Variants in WDR47 observed in about 807,000 individuals in gnomAD.
The protein encoded by WDR47 is WD repeat domain 47.
A neutral mutation model predicts 97.2 loss-of-function variants in WDR47; 32 were observed. The ratio of observed to expected loss-of-function variants is 0.33; its 90% CI spans 0.25 to 0.44. WDR47 has a LOEUF of 0.44. Among genes scored for constraint, WDR47 ranks in the 20% least tolerant of loss-of-function variants. The probability of loss-of-function intolerance (pLI) is 1.00; values close to 1 mark genes in which losing one functional copy is unlikely to be tolerated. For missense variants in WDR47, 782 were observed against 1,102.3 expected, an observed-to-expected ratio of 0.71 and a Z score of 4.11; for synonymous variants, 375 against 373.5, an observed-to-expected ratio of 1.00 and a Z score of -0.05.
intron 3 of WDR47, among the ~76,000 whole-genome samples, chr1:109,016,047 T>C (rs1661393036): frequency 6.6e-6 from 1 of 150,526 alleles, no homozygotes; most frequent in Admixed American, 6.6e-5. Flanking sequence ...GCTTTCCAGC[T>C]GAGGGCACTC....
intron 5 of WDR47, among the ~76,000 whole-genome samples, chr1:109,009,419 A>G (rs1660869954): frequency 6.6e-6 from 1 of 152,222 alleles, no homozygotes. Flanking sequence ...TATTTCCTTC[A>G]TATGTATAAG....
At chr1:109,001,133 T>C (rs1020640819) in intron 7 of WDR47, among the ~76,000 whole-genome samples, 5 of 151,452 alleles carry the variant, frequency 3.3e-5, no homozygotes, top group Non-Finnish European at 7.4e-5. Flanking sequence ...ACTAAAAAAA[T>C]ACAAAATCAG....
intron 13 of WDR47, 63 bp downstream of exon 13, chr1:108,981,670 G>T: frequency 6.7e-7 from 1 of 1,485,966 alleles, no homozygotes; most frequent in Non-Finnish European, 9.1e-7. Flanking sequence ...CAGGGGAGAA[G>T]AAGTAGACTA....
intron 2 of WDR47, 137 bp downstream of exon 2, chr1:109,023,218 A>T (rs1661975895): frequency 1.2e-6 from 1 of 849,486 alleles, no homozygotes; most frequent in Admixed American, 4.1e-5. Context: ...ATAAAATAAA[A>T]TAAAATATTT....
At chr1:109,015,480 C>T (rs1661348643) in intron 3 of WDR47, among the ~76,000 whole-genome samples, 1 of 149,780 alleles carries the variant, frequency 6.7e-6, no homozygotes, top group Admixed American at 6.6e-5. Context: ...TGTGCCACCA[C>T]ATCCAGCCAA....
chr1:108,995,978 CCAT>C, intron 7 of WDR47, 141 bp from the exon 8 acceptor site: 1 of 843,746 alleles, frequency 1.2e-6, no homozygotes. Flanking sequence ...AAAATTACCA[CCAT>C]CAACTTAAGA....
At chr1:109,005,220 G>C (rs952989709) in intron 5 of WDR47, among the ~76,000 whole-genome samples, 1 of 152,032 alleles carries the variant, frequency 6.6e-6, no homozygotes, top group African/African-American at 2.4e-5. Context: ...TGGGTAACAT[G>C]GTGAAGCCTA....
intron 1 of WDR47, among the ~76,000 whole-genome samples, chr1:109,033,159 T>C (rs1454258176): frequency 1.3e-5 from 2 of 151,822 alleles, no homozygotes; most frequent in East Asian, 1.9e-4. Flanking sequence ...CTGGGCACAG[T>C]GGCAGGCACC....
rs764353095 is a variant in WDR47, at chr1:108,981,860, A to G, written c.2271T>C (p.His757=). ...GLHALSGHTG[H]ILALYTWSGW... Reference sequence around the variant, plus strand: ...CACTCCAGGTATAAAGTGCTAAAATATGCCCTATAAAAGATCATATACTCA... The same window carrying G: ...CACTCCAGGTATAAAGTGCTAAAATGTGCCCTATAAAAGATCATATACTCA... The change falls in exon 13 of 15, where the codon CAT becomes CAC. Residue 757 remains histidine (H), a synonymous_variant. Transcript: ENST00000369962. 2 of 1,612,036 alleles carry G rather than the reference A, an allele frequency of 1.2e-6. No homozygotes were observed. Among genetic ancestry groups the G allele is most frequent in the African/African-American group, 1.3e-5 (1 of 74,856 alleles).
At chr1:109,017,732 T>C in intron 2 of WDR47, 131 bp from the exon 3 acceptor site, 1 of 709,124 alleles carries the variant, frequency 1.4e-6, no homozygotes, top group Non-Finnish European at 2.2e-6. Flanking sequence ...ATTTGATTCC[T>C]CAAATAAATT....
At chr1:108,988,507 C>CA (rs991718456) in intron 9 of WDR47, among the ~76,000 whole-genome samples, 1 of 150,508 alleles carries the variant, frequency 6.6e-6, no homozygotes, top group Non-Finnish European at 1.5e-5. Context: ...CCATCTCTAC[C>CA]AAAAAAAAGA....
chr1:108,981,911 C>T, intron 12 of WDR47, 47 bp from the exon 13 acceptor site: 1 of 1,582,056 alleles, frequency 6.3e-7, no homozygotes, highest in Non-Finnish European at 8.6e-7. Context: ...GAGTATCTTT[C>T]CATAACATAT....
Position 108,982,699 on chromosome 1 carries a change from T to C in WDR47, c.2176A>G (p.Ile726Val). 2 of 1,614,164 alleles carry C rather than the reference T, an allele frequency of 1.2e-6. No individual in the cohort carries two copies. Among genetic ancestry groups the C allele is most frequent in the Non-Finnish European group, 1.7e-6 (2 of 1,180,028 alleles). ...FMEGPESGGA[I>V]LISAGAGDCN... ...TCCCCTGCTCCAGCACTTATTAAAATAGCTCCTCCGCTTTCTGGGCCTTCC... is the reference window on the plus strand; with the variant it reads ...TCCCCTGCTCCAGCACTTATTAAAACAGCTCCTCCGCTTTCTGGGCCTTCC... The change falls in exon 12 of 15, where the codon ATT (isoleucine) becomes GTT (valine). Residue 726 changes from isoleucine (I) to valine (V), a missense_variant. Ile to Val is a conservative substitution (Grantham distance 29). Transcript: ENST00000369962.
intron 7 of WDR47, among the ~76,000 whole-genome samples, chr1:108,997,902 G>A (rs999379952): frequency 6.6e-6 from 1 of 152,046 alleles, no homozygotes; most frequent in South Asian, 2.1e-4. Context: ...CTAACACAGG[G>A]AGTACAATTA....
chr1:109,027,537 T>C (rs1480579395), intron 1 of WDR47, among the ~76,000 whole-genome samples: 4 of 151,914 alleles, frequency 2.6e-5, no homozygotes, highest in East Asian at 1.9e-4. Context: ...ACTTTTTTTT[T>C]CCCCCAGATG....
chr1:108,988,002 G>C (rs1468421368), intron 9 of WDR47, among the ~76,000 whole-genome samples: 2 of 151,510 alleles, frequency 1.3e-5, no homozygotes, highest in African/African-American at 2.4e-5. Flanking sequence ...TTGTGAGTCC[G>C]AGTTGGGCAT....
At chr1:109,005,067 C>T (rs569976533) in intron 5 of WDR47, among the ~76,000 whole-genome samples, 6 of 151,934 alleles carry the variant, frequency 3.9e-5, no homozygotes, top group African/African-American at 1.4e-4. Flanking sequence ...GCTGGGATTA[C>T]AGGCATGAGC....
chr1:109,004,589 T>A lies in WDR47; in HGVS notation c.1254+3A>T, dbSNP rs574150001. 5.0e-6 allele frequency: 8 copies of A among 1,610,006 alleles called. No individual in the cohort carries two copies. In the African/African-American group the frequency reaches 6.7e-5, roughly 13 times the overall value. ...GAAAAACACTAGGTTTAGTAAATAT[T>A]ACCTCATTTTTTTCTTGTTTAGCTG... On this transcript the variant is annotated splice_donor_region_variant and intron_variant, in intron 6 of 14. Transcript: ENST00000369962.
chr1:109,001,767 T>C (rs1388344352), intron 7 of WDR47, among the ~76,000 whole-genome samples: 1 of 152,106 alleles, frequency 6.6e-6, no homozygotes, highest in African/African-American at 2.4e-5. Context: ...TGGTATATGC[T>C]GTAGCGCCAG....
Sources: gnomAD v4.1 joint callset for allele counts (sites outside exome capture counted in the v4.1 genomes callset) on GRCh38, gnomAD v4.1.1 for gene constraint, MANE v1.5 for transcripts, NCBI Gene and HGNC (gene_info 2026-07-23, HGNC 2026-07-21) for gene names.